CNN1: variants seen among roughly 807,000 people sequenced by gnomAD.
The protein encoded by CNN1 is calponin-1.
A neutral mutation model predicts 35.3 loss-of-function variants in CNN1; 21 were observed. That is an observed-to-expected ratio of 0.60 (90% CI 0.42 to 0.86). The LOEUF (loss-of-function observed/expected upper bound fraction) is 0.86. Ranked by LOEUF, CNN1 falls within the 40% of genes least tolerant of loss-of-function variation. The pLI is 0.00. For missense variants in CNN1, 314 were observed against 400.8 expected (o/e 0.78, Z 1.85); for synonymous variants, 164 against 161.8 (o/e 1.01, Z -0.10).
intron 4 of CNN1, among the ~76,000 whole-genome samples, chr19:11,547,186 C>T (rs542677581): frequency 6.6e-5 from 10 of 151,590 alleles, no homozygotes; most frequent in East Asian, 5.9e-4. Context: ...TGCTTGAGGC[C>T]GGGAGTTTGA....
chr19:11,548,034 T>C (rs997239942), intron 5 of CNN1, 127 bp downstream of exon 5: 11 of 608,892 alleles, frequency 1.8e-5, no homozygotes, highest in Non-Finnish European at 3.0e-5. Context: ...CTTATGCTCA[T>C]CTTCCATTCA....
intron 2 of CNN1, among the ~76,000 whole-genome samples, chr19:11,544,988 C>T (rs1972548701): frequency 6.6e-6 from 1 of 151,996 alleles, no homozygotes; most frequent in Admixed American, 6.6e-5. Context: ...CACTTGAGGT[C>T]AGGAGTTCGA....
intron 4 of CNN1, 137 bp downstream of exon 4, chr19:11,547,106 G>T: frequency 7.6e-7 from 1 of 1,311,698 alleles, no homozygotes; most frequent in South Asian, 1.3e-5. Context: ...TGTCAACAGC[G>T]TCCAAGGGGG....
At position 11,546,866 on chromosome 19, in the gene CNN1, C is replaced by T; in HGVS notation, c.287C>T (p.Thr96Ile). 3 of 1,614,246 alleles carry T rather than the reference C, an allele frequency of 1.9e-6. No homozygotes were observed. Among genetic ancestry groups the T allele is most frequent in the Non-Finnish European group, 2.5e-6 (3 of 1,180,052 alleles). Residue 96 changes from threonine (T) to isoleucine (I), a missense_variant, in exon 4 of 7, where the codon ACC (threonine) becomes ATC (isoleucine). Coordinates refer to ENST00000252456, the MANE Select transcript of CNN1 (RefSeq NM_001299.6). ...ATCGGCAACTTCATCAAGGCCATCA[C>T]CAAGTATGGGGTGAAGCCCCACGAC... ...ENIGNFIKAI[T>I]KYGVKPHDIF...
At chr19:11,539,561 G>C (rs1351741325) in intron 1 of CNN1, 1 of 1,048,678 alleles carries the variant, frequency 9.5e-7, no homozygotes, top group South Asian at 1.7e-5. Context: ...GGGGTCCCAG[G>C]TAAAGCAGGT....
chr19:11,548,374 G>A lies in CNN1; in HGVS notation c.501+467G>A, dbSNP rs550463777. On this transcript the variant is annotated intron_variant, in intron 5 of 6. Coordinates refer to ENST00000252456, the MANE Select transcript of CNN1 (RefSeq NM_001299.6). ...GGGCAAAATAGAACCCCCCTCCACC[G>A]CCATCTCTACAACAAATTTAAGAGT... Among the ~76,000 whole-genome samples, 6 of 151,754 alleles carry A rather than the reference G, an allele frequency of 4.0e-5. No individual in the cohort carries two copies. The South Asian group carries it at 6.3e-4, about 16-fold the overall frequency.
chr19:11,540,180 C>T, intron 1 of CNN1: 1 of 495,108 alleles, frequency 2.0e-6, no homozygotes, highest in Non-Finnish European at 2.6e-6. Flanking sequence ...GAGGGAAAAG[C>T]AGGGAGGTGG....
rs892765321 is a variant in CNN1 at position 11,547,648 on chromosome 19, G to A, written c.391-149G>A. ...GAATGGTGTGAAGCCGGGAGGCGGA[G>A]CTTGCAGTGAGCTGAGATCACGCCA... On this transcript the variant is annotated intron_variant, in intron 4 of 6. Coordinates refer to ENST00000252456, the MANE Select transcript of CNN1 (RefSeq NM_001299.6). The A allele has an allele frequency of 2.5e-5, 14 of 549,284 alleles. No individual in the cohort carries two copies. The African/African-American group carries it at 2.7e-4, about 11-fold the overall frequency. The allele number at this position is 549,284 out of a possible 1,614,324, so 34.0% of individuals were successfully genotyped here.
In CNN1 at chr19:11,539,600, C is replaced by G. The variant is rs1003974203; in HGVS notation, c.63+610C>G. 15 of 828,408 alleles carry G rather than the reference C, an allele frequency of 1.8e-5. No homozygotes were observed. The African/African-American group carries it at 2.0e-4, about 11-fold the overall frequency. 51.3% of individuals were successfully genotyped at this position (828,408 alleles called of 1,614,324 possible). A position where few individuals can be genotyped will look rare whatever the true frequency, so the allele number is the denominator to read the frequency against. ...GCGCTCGGACCCTGGACTCACCCCCCATACACCAGGATGGGCTCAGCTTCT... is the reference window on the plus strand; with the variant it reads ...GCGCTCGGACCCTGGACTCACCCCCGATACACCAGGATGGGCTCAGCTTCT... On this transcript the variant is annotated intron_variant, in intron 1 of 6. Transcript: ENST00000252456.
chr19:11,546,547 G>A, intron 2 of CNN1, 128 bp from the exon 3 acceptor site: 1 of 905,906 alleles, frequency 1.1e-6, no homozygotes, highest in Non-Finnish European at 1.8e-6. Context: ...TGTTGGCCAG[G>A]ATAGTCTCGC....
chr19:11,549,364 C>T lies in CNN1; in HGVS notation c.543C>T (p.Ala181=). Residue 181 remains alanine (A), a synonymous_variant, in exon 6 of 7, where the codon GCC becomes GCT. Coordinates refer to ENST00000252456, the MANE Select transcript of CNN1 (RefSeq NM_001299.6). This position sits in a 1 kb window ranked among gnomAD's most constrained non-coding sequence, Gnocchi z 5.2. The stretch of plus-strand genomic sequence containing the variant: ...TTGCCAGCCAGCAGGGCATGACGGC[C>T]TATGGCACCCGGCGCCACCTCTACG... ...NKFASQQGMT[A]YGTRRHLYDP... The T allele has an allele frequency of 6.2e-7, 1 of 1,613,862 alleles. No homozygotes were observed. The highest frequency in any genetic ancestry group is 1.3e-5 in the African/African-American group (1 of 74,952).
At chr19:11,540,337 A>T (rs1329037986) in intron 1 of CNN1, 3 of 154,656 alleles carry the variant, frequency 1.9e-5, no homozygotes, top group African/African-American at 7.3e-5. Flanking sequence ...CAGGCAGGAA[A>T]CCTGGAGACA....
chr19:11,543,465 T>TAAC (rs1041605622), intron 2 of CNN1, among the ~76,000 whole-genome samples: 1 of 135,584 alleles, frequency 7.4e-6, no homozygotes, highest in Non-Finnish European at 1.5e-5. Context: ...ACTTAAAGTA[T>TAAC]AATAATAATA....
intron 5 of CNN1, among the ~76,000 whole-genome samples, chr19:11,548,243 C>T (rs926699212): frequency 2.0e-5 from 3 of 152,148 alleles, no homozygotes; most frequent in Non-Finnish European, 4.4e-5. Flanking sequence ...TTTCCAGTCT[C>T]GAAAGGATGC....
chr19:11,547,476 C>T (rs1406862736), intron 4 of CNN1, among the ~76,000 whole-genome samples: 2 of 151,952 alleles, frequency 1.3e-5, no homozygotes, highest in Non-Finnish European at 2.9e-5. Context: ...TTTGGGAGGC[C>T]GAGACAGGTG....
chr19:11,539,319 T>G, intron 1 of CNN1: 2 of 1,103,468 alleles, frequency 1.8e-6, no homozygotes, highest in South Asian at 2.8e-5. Flanking sequence ...GATTTTTCCA[T>G]ATCCCCCGGC....
At chr19:11,540,189 G>A (rs556753212) in intron 1 of CNN1, 10 of 431,294 alleles carry the variant, frequency 2.3e-5, no homozygotes, top group Non-Finnish European at 2.5e-5. Flanking sequence ...GCAGGGAGGT[G>A]GGGGGAGAGG....
At chr19:11,539,081 C>A in intron 1 of CNN1, 91 bp downstream of exon 1, 1 of 1,200,086 alleles carries the variant, frequency 8.3e-7, no homozygotes, top group Non-Finnish European at 1.1e-6. Context: ...TCCTGCCTAT[C>A]CTATGTGACT....
intron 2 of CNN1, among the ~76,000 whole-genome samples, chr19:11,543,782 CA>C (rs1158001002): frequency 0.073 from 3,746 of 51,022 alleles, 29 homozygotes; most frequent in East Asian, 0.17. Context: ...GACTCCGTCT[CA>C]AAAAAAAAAA....
Sources: gnomAD v4.1 joint callset for allele counts (sites outside exome capture counted in the v4.1 genomes callset) on GRCh38, gnomAD v4.1.1 for gene constraint, Gnocchi (gnomAD v3.1) non-coding constraint, MANE v1.5 for transcripts, NCBI Gene and HGNC (gene_info 2026-07-23, HGNC 2026-07-21) for gene names.